The following RARA variants were observed in gnomAD, a reference collection of about 807,000 sequenced individuals.
RARA encodes retinoic acid receptor alpha, also known as PML-DDX5-RARA fusion.
RARA carries 5 observed loss-of-function variants against 42.8 expected under a neutral mutation model. The ratio of observed to expected loss-of-function variants is 0.12; its 90% CI spans 0.06 to 0.25. The LOEUF is 0.25. Ranked by LOEUF, RARA falls within the 10% of genes least tolerant of loss-of-function variation. The pLI, the probability that RARA is intolerant of heterozygous loss-of-function variation, is 1.00. For missense variants in RARA, 402 were observed against 628.7 expected (o/e 0.64, Z 3.86); for synonymous variants, 256 against 259.5 (o/e 0.99, Z 0.13).
chr17:40,355,942 G>A lies in RARA; in HGVS notation c.1172-67G>A. The A allele has an allele frequency of 2.1e-6, 3 of 1,411,854 alleles. No individual in the cohort carries two copies. Among genetic ancestry groups the A allele is most frequent in the Non-Finnish European group, 2.9e-6 (3 of 1,037,850 alleles). 87.5% of individuals were successfully genotyped at this position (1,411,854 alleles called of 1,614,324 possible). A position where few individuals can be genotyped will look rare whatever the true frequency, so the allele number is the denominator to read the frequency against. On this transcript the variant is annotated intron_variant, in intron 8 of 8. Coordinates refer to ENST00000254066, the MANE Select transcript of RARA (RefSeq NM_000964.4). The surrounding 1 kb of genome is among the most constrained non-coding windows in gnomAD (Gnocchi z 4.1). ...TATTGATCTTCCCACCTCGAGCCAG[G>A]CTTGCTGGGGCTGGGGGTGGGAGGG...
intron 2 of RARA, among the ~76,000 whole-genome samples, chr17:40,333,817 C>T (rs1223164500): frequency 6.6e-6 from 1 of 151,956 alleles, no homozygotes; most frequent in African/African-American, 2.4e-5. Flanking sequence ...TTTGATTTTT[C>T]ATAGAGACAA....
Position 40,354,631 on chromosome 17 carries a change from C to A in RARA, c.1012+125C>A. The A allele has an allele frequency of 8.4e-7, 1 of 1,190,542 alleles. No homozygotes were observed. Among genetic ancestry groups the A allele is most frequent in the Non-Finnish European group, 1.2e-6 (1 of 862,288 alleles). The allele number at this position is 1,190,542 out of a possible 1,614,324, so 73.7% of individuals were successfully genotyped here. On this transcript the variant is annotated intron_variant, in intron 7 of 8. Coordinates refer to ENST00000254066, the MANE Select transcript of RARA (RefSeq NM_000964.4). The surrounding 1 kb of genome is among the most constrained non-coding windows in gnomAD (Gnocchi z 4.5). Reference sequence around the variant, plus strand: ...CTAGAGGGCAGGGTCTGGTCTGCAACTACACAGCAAGGGGGCCATGTGGGG... The same window carrying A: ...CTAGAGGGCAGGGTCTGGTCTGCAAATACACAGCAAGGGGGCCATGTGGGG...
At chr17:40,330,356 C>T (rs751406383) in intron 1 of RARA, among the ~76,000 whole-genome samples, 3 of 152,138 alleles carry the variant, frequency 2.0e-5, no homozygotes, top group East Asian at 1.9e-4. Flanking sequence ...GGGACAAACC[C>T]GTCTGGGGTG....
intron 2 of RARA, among the ~76,000 whole-genome samples, chr17:40,346,496 C>G (rs765225461): frequency 6.6e-6 from 1 of 151,260 alleles, no homozygotes; most frequent in Non-Finnish European, 1.5e-5. Flanking sequence ...CTCCACATAC[C>G]CCCTTGCCCT....
rs774786141 is a variant in RARA, at chr17:40,354,501, G to T, written c.1007G>T (p.Cys336Phe). Reference protein sequence around the residue: ...TGLLSAICLICGDRQDLEQPD... With the variant: ...TGLLSAICLIFGDRQDLEQPD... ...CTGCTCAGCGCCATCTGCCTCATCTGCGGAGGTGGGCAGGGGGCCTGGGTC... is the reference window on the plus strand; with the variant it reads ...CTGCTCAGCGCCATCTGCCTCATCTTCGGAGGTGGGCAGGGGGCCTGGGTC... The change falls in exon 7 of 9, where the codon TGC becomes TTC. Residue 336 changes from cysteine (C) to phenylalanine (F), a missense_variant. Coordinates refer to ENST00000254066, the MANE Select transcript of RARA (RefSeq NM_000964.4). This position sits in a 1 kb window ranked among gnomAD's most constrained non-coding sequence, Gnocchi z 4.5. 6.2e-7 allele frequency: 1 copy of T among 1,613,454 alleles called. No individual in the cohort carries two copies. Among genetic ancestry groups the T allele is most frequent in the Non-Finnish European group, 8.5e-7 (1 of 1,179,970 alleles).
intron 1 of RARA, among the ~76,000 whole-genome samples, chr17:40,319,788 T>C (rs1369113143): frequency 7.0e-6 from 1 of 143,486 alleles, no homozygotes; most frequent in African/African-American, 2.6e-5. Flanking sequence ...GGAGTGGGGG[T>C]GGCTTGGAGC....
chr17:40,352,253 G>A lies in RARA; in HGVS notation c.631-78G>A, dbSNP rs1449196403. 1 of 1,529,338 alleles carries A rather than the reference G, an allele frequency of 6.5e-7. No individual in the cohort carries two copies. Among genetic ancestry groups the A allele is most frequent in the South Asian group, 1.3e-5 (1 of 78,102 alleles). The allele number at this position is 1,529,338 out of a possible 1,614,324, so 94.7% of individuals were successfully genotyped here. The stretch of plus-strand genomic sequence containing the variant: ...CCAGGAAGTGAAGGCTGGGTAGAGG[G>A]CAGGCCTGTGGGGGCTGGAGCCAGG... On this transcript the variant is annotated intron_variant, in intron 5 of 8. Coordinates refer to ENST00000254066, the MANE Select transcript of RARA (RefSeq NM_000964.4). This position sits in a 1 kb window ranked among gnomAD's most constrained non-coding sequence, Gnocchi z 4.9.
At chr17:40,333,137 C>T (rs2033746893) in intron 2 of RARA, among the ~76,000 whole-genome samples, 1 of 152,112 alleles carries the variant, frequency 6.6e-6, no homozygotes, top group Non-Finnish European at 1.5e-5. Flanking sequence ...GCAACTTCCG[C>T]CTTCCGGAAT....
chr17:40,342,832 C>G (rs755669225), intron 2 of RARA: 4 of 1,613,116 alleles, frequency 2.5e-6, no homozygotes, highest in Non-Finnish European at 3.4e-6. Context: ...TACTCCACCC[C>G]GCTCCGGACT....
intron 2 of RARA, among the ~76,000 whole-genome samples, chr17:40,338,283 G>A (rs960414131): frequency 6.6e-6 from 1 of 152,150 alleles, no homozygotes; most frequent in Non-Finnish European, 1.5e-5. Flanking sequence ...GTCATTTTGG[G>A]GCAGTGCCTT....
At chr17:40,314,997 G>A (rs528226696) in intron 1 of RARA, among the ~76,000 whole-genome samples, 1 of 151,756 alleles carries the variant, frequency 6.6e-6, no homozygotes, top group African/African-American at 2.4e-5. Context: ...TCCACTAAGG[G>A]GTGAAGGAAA....
Position 40,348,423 on chromosome 17 carries a change from T to G in RARA, c.286T>G (p.Ser96Ala), listed in dbSNP as rs768888762. 2 of 1,613,644 alleles carry G rather than the reference T, an allele frequency of 1.2e-6. No homozygotes were observed. ...KPCFVCQDKSSGYHYGVSACE... is the reference protein window; with the variant it reads ...KPCFVCQDKSAGYHYGVSACE... The stretch of plus-strand genomic sequence containing the variant: ...TTGCTTTGTCTGTCAGGACAAGTCC[T>G]CAGGCTACCACTATGGGGTCAGCGC... Residue 96 changes from serine (S) to alanine (A), a missense_variant, in exon 3 of 9, where the codon TCA becomes GCA. This residue lies in a region of RARA where 130 missense variants were observed against 267.9 expected (regional missense o/e 0.49). Transcript: ENST00000254066.
chr17:40,357,089 G>T lies in RARA; in HGVS notation c.*863G>T, dbSNP rs1322914419. 1 of 327,584 alleles carries T rather than the reference G, an allele frequency of 3.1e-6. No homozygotes were observed. Among genetic ancestry groups the T allele is most frequent in the Non-Finnish European group, 5.7e-6 (1 of 174,228 alleles). 20.3% of individuals were successfully genotyped at this position (327,584 alleles called of 1,614,324 possible). A position where few individuals can be genotyped will look rare whatever the true frequency, so the allele number is the denominator to read the frequency against. On this transcript the variant is annotated 3_prime_UTR_variant, in exon 9 of 9. Transcript: ENST00000254066. The stretch of plus-strand genomic sequence containing the variant: ...GTGTGGGGCAGCCCTGAAAGGACAG[G>T]CTCCTGGCCTTGGCACTTGCCTGCA...
chr17:40,332,707 G>A (rs557673890), intron 2 of RARA, among the ~76,000 whole-genome samples: 2 of 152,330 alleles, frequency 1.3e-5, no homozygotes, highest in African/African-American at 4.8e-5. Context: ...TGTGTTCCCC[G>A]CCCTTTATGC....
Position 40,355,451 on chromosome 17 carries a change from G to A in RARA, c.1171+30G>A. The A allele has an allele frequency of 1.3e-6, 2 of 1,588,566 alleles. No individual in the cohort carries two copies. The highest frequency in any genetic ancestry group is 2.2e-5 in the South Asian group (2 of 88,976). ...GGCTCACAGACCTGGAGGGGTACCG[G>A]CCCCCGACACCTGGCCCAGGCCCCC... On this transcript the variant is annotated intron_variant, in intron 8 of 8. Coordinates refer to ENST00000254066, the MANE Select transcript of RARA (RefSeq NM_000964.4). The surrounding 1 kb of genome is among the most constrained non-coding windows in gnomAD (Gnocchi z 4.1).
chr17:40,339,969 T>C (rs946502432), intron 2 of RARA, among the ~76,000 whole-genome samples: 4 of 152,218 alleles, frequency 2.6e-5, no homozygotes, highest in Middle Eastern at 3.4e-3. Flanking sequence ...ACCCCAGCAT[T>C]CCATCTGTAG....
At chr17:40,350,241 C>T (rs770852827) in intron 4 of RARA, 11 of 326,246 alleles carry the variant, frequency 3.4e-5, no homozygotes, top group African/African-American at 1.3e-4. Context: ...TCTTCCAGGC[C>T]GTGCTTGGTT....
intron 2 of RARA, among the ~76,000 whole-genome samples, chr17:40,344,951 C>A (rs986848666): frequency 7.2e-5 from 11 of 152,228 alleles, no homozygotes; most frequent in Non-Finnish European, 7.3e-5. Flanking sequence ...CTCCAGCCCC[C>A]TCTTGGGGAA....
At chr17:40,350,329 C>G (rs1001351070) in intron 4 of RARA, 1 of 185,280 alleles carries the variant, frequency 5.4e-6, no homozygotes, top group Non-Finnish European at 1.1e-5. Flanking sequence ...CTGAGGGGTG[C>G]TTGGCTGGAC....
Sources: gnomAD v4.1 joint callset for allele counts (sites outside exome capture counted in the v4.1 genomes callset) on GRCh38, gnomAD v4.1.1 for gene constraint, gnomAD v4.1.1 regional missense constraint, Gnocchi (gnomAD v3.1) non-coding constraint, MANE v1.5 for transcripts, NCBI Gene and HGNC (gene_info 2026-07-23, HGNC 2026-07-21) for gene names.